The following HECW1 variants were observed in gnomAD, a reference collection of about 807,000 sequenced individuals.
The protein encoded by HECW1 is E3 ubiquitin-protein ligase HECW1.
Under a neutral mutation model 182.3 loss-of-function variants are expected in HECW1, and 61 were observed. The ratio of observed to expected loss-of-function variants is 0.33; its 90% CI spans 0.27 to 0.41. The LOEUF (loss-of-function observed/expected upper bound fraction) is 0.41, where lower values mean the gene tolerates loss of function less well. Ranked by LOEUF, HECW1 falls within the 10% of genes least tolerant of loss-of-function variation. HECW1 has a pLI of 1.00. For synonymous variants in HECW1, 859 were observed against 832.6 expected (o/e 1.03, Z -0.55); for missense variants, 1,739 against 2,108.9 (o/e 0.82, Z 3.44).
At chr7:43,261,405 G>A (rs949591615) in intron 3 of HECW1, among the ~76,000 whole-genome samples, 3 of 152,068 alleles carry the variant, frequency 2.0e-5, no homozygotes, top group African/African-American at 4.8e-5. Flanking sequence ...TGTCTTCCTC[G>A]TCGGATTTGT....
intron 11 of HECW1, among the ~76,000 whole-genome samples, chr7:43,450,558 C>T (rs749025589): frequency 6.6e-6 from 1 of 152,234 alleles, no homozygotes; most frequent in African/African-American, 2.4e-5. Flanking sequence ...TCAGGAAATT[C>T]GGGTCATTAC....
At chr7:43,489,941 TGTGA>T (rs918957249) in intron 17 of HECW1, among the ~76,000 whole-genome samples, 3 of 152,236 alleles carry the variant, frequency 2.0e-5, no homozygotes, top group Admixed American at 6.5e-5. Context: ...CTGAATTCTG[TGTGA>T]GTGAGTTTTA....
chr7:43,348,355 T>C (rs1584571446), intron 5 of HECW1, among the ~76,000 whole-genome samples: 1 of 152,220 alleles, frequency 6.6e-6, no homozygotes, highest in Admixed American at 6.5e-5. Context: ...GTATCAGTTG[T>C]AATATCTCCT....
chr7:43,231,792 G>A (rs986236304), intron 2 of HECW1, among the ~76,000 whole-genome samples: 3 of 152,024 alleles, frequency 2.0e-5, no homozygotes, highest in South Asian at 2.1e-4. Context: ...CAAGGTGGGC[G>A]GATCACGAGG....
chr7:43,411,458 T>C (rs757362129), intron 8 of HECW1, among the ~76,000 whole-genome samples: 1 of 152,204 alleles, frequency 6.6e-6, no homozygotes, highest in Non-Finnish European at 1.5e-5. Flanking sequence ...TATTCTCCTA[T>C]TGTGGCATAT....
At chr7:43,186,726 A>T (rs1356102233) in intron 2 of HECW1, among the ~76,000 whole-genome samples, 1 of 152,026 alleles carries the variant, frequency 6.6e-6, no homozygotes, top group Non-Finnish European at 1.5e-5. Context: ...CCTTTTGTAC[A>T]TTTAGATATG....
chr7:43,284,233 G>A (rs748002240), intron 3 of HECW1, among the ~76,000 whole-genome samples: 4 of 152,124 alleles, frequency 2.6e-5, no homozygotes, highest in Admixed American at 6.5e-5. Context: ...TTTTTTAATT[G>A]ACAAATGAAA....
intron 12 of HECW1, among the ~76,000 whole-genome samples, chr7:43,453,006 CA>C (rs776957354): frequency 3.2e-4 from 48 of 152,202 alleles, no homozygotes; most frequent in Non-Finnish European, 5.6e-4. Context: ...AGCGAACTAG[CA>C]AGGCCCAGAT....
At chr7:43,274,518 G>A (rs1042130426) in intron 3 of HECW1, 2 of 593,650 alleles carry the variant, frequency 3.4e-6, no homozygotes, top group Admixed American at 2.2e-5. Flanking sequence ...AGGTGGAGGA[G>A]ATCGCAGCCA....
intron 4 of HECW1, among the ~76,000 whole-genome samples, chr7:43,319,666 C>A (rs1471327313): frequency 9.0e-6 from 1 of 111,124 alleles, no homozygotes; most frequent in Non-Finnish European, 1.7e-5. Context: ...TGGATATGAT[C>A]TTGGTTCACT....
At chr7:43,313,953 G>GTTTGGT (rs565411613) in intron 4 of HECW1, among the ~76,000 whole-genome samples, 12 of 152,106 alleles carry the variant, frequency 7.9e-5, no homozygotes, top group Non-Finnish European at 1.5e-4. Flanking sequence ...GTTTGATTTG[G>GTTTGGT]TTTGGTTTTG....
chr7:43,489,928 T>C (rs2078865251), intron 17 of HECW1, among the ~76,000 whole-genome samples: 1 of 152,240 alleles, frequency 6.6e-6, no homozygotes, highest in Admixed American at 6.5e-5. Flanking sequence ...CCTCATCACC[T>C]TCCTGAATTC....
intron 17 of HECW1, among the ~76,000 whole-genome samples, chr7:43,488,436 G>GAAAGAAAGAAAA (rs1179297041): frequency 1.0e-5 from 1 of 99,436 alleles, no homozygotes; most frequent in African/African-American, 4.2e-5. Flanking sequence ...GAAAGAAAGA[G>GAAAGAAAGAAAA]AAAGAAAGAA....
chr7:43,358,683 C>T (rs1362615393), intron 5 of HECW1, among the ~76,000 whole-genome samples: 1 of 152,048 alleles, frequency 6.6e-6, no homozygotes, highest in East Asian at 1.9e-4. Context: ...CTATTTTAAG[C>T]CTATTTTTAA....
At chr7:43,216,108 T>C (rs946931210) in intron 2 of HECW1, among the ~76,000 whole-genome samples, 1 of 152,178 alleles carries the variant, frequency 6.6e-6, no homozygotes, top group African/African-American at 2.4e-5. Context: ...GAAAGCTGAG[T>C]CTGGTGAGAT....
chr7:43,434,041 T>A (rs1025895612), intron 8 of HECW1, among the ~76,000 whole-genome samples: 5 of 151,272 alleles, frequency 3.3e-5, no homozygotes, highest in African/African-American at 1.2e-4. Flanking sequence ...ATCCTTTTTT[T>A]TAAAAAAAAA....
intron 4 of HECW1, among the ~76,000 whole-genome samples, chr7:43,315,410 C>T (rs10251643): frequency 0.15 from 23,220 of 151,630 alleles, 5,758 homozygotes; most frequent in African/African-American, 0.52. Flanking sequence ...CATCATTGGC[C>T]TAGTAGTAAG....
chr7:43,114,079 T>G, intron 1 of HECW1, 78 bp from the exon 2 acceptor site: 1 of 440,294 alleles, frequency 2.3e-6, no homozygotes, highest in Non-Finnish European at 4.1e-6. Flanking sequence ...TTGACGTTGC[T>G]GTAGTTTTGT....
chr7:43,311,955 A>G lies in HECW1; in HGVS notation c.220A>G (p.Thr74Ala). 6.2e-7 allele frequency: 1 copy of G among 1,614,064 alleles called. No individual in the cohort carries two copies. The highest frequency in any genetic ancestry group is 8.5e-7 in the Non-Finnish European group (1 of 1,179,954). ...CTCCACCAGCGACACTGACCTGGTC[A>G]CCTCGGACAGCCGCTCCACGCTCAT... ...PRSTSDTDLVTSDSRSTLMVS... is the reference protein window; with the variant it reads ...PRSTSDTDLVASDSRSTLMVS... Residue 74 changes from threonine (T) to alanine (A), a missense_variant, in exon 4 of 30, where the codon ACC (threonine) becomes GCC (alanine). Physicochemically the swap from Thr to Ala is moderately conservative, Grantham distance 58 (BLOSUM62 0). Around this residue, in one of 5 missense-constraint regions of HECW1, gnomAD observed 279 missense variants for 353.1 expected, o/e 0.79. Coordinates refer to ENST00000395891, the MANE Select transcript of HECW1 (RefSeq NM_015052.5).
Sources: gnomAD v4.1 joint callset for allele counts (sites outside exome capture counted in the v4.1 genomes callset) on GRCh38, gnomAD v4.1.1 for gene constraint, gnomAD v4.1.1 regional missense constraint, MANE v1.5 for transcripts, NCBI Gene and HGNC (gene_info 2026-07-23, HGNC 2026-07-21) for gene names.